The following MEGF6 variants were observed in gnomAD, a reference collection of about 807,000 sequenced individuals.
The protein encoded by MEGF6 is multiple EGF like domains 6, also known as multiple epidermal growth factor-like domains protein 6.
Under a neutral mutation model 207.1 loss-of-function variants are expected in MEGF6, and 184 were observed. The observed-to-expected ratio is 0.89, with a 90% CI of 0.79 to 1.00. MEGF6 has a LOEUF of 1.00. Among genes scored for constraint, MEGF6 ranks in the 50% least tolerant of loss-of-function variants. The probability of loss-of-function intolerance (pLI) is 0.00; values close to 1 mark genes in which losing one functional copy is unlikely to be tolerated. For synonymous variants in MEGF6, 1,038 were observed against 910.0 expected (o/e 1.14, Z -2.53); for missense variants, 2,282 against 2,202.9 (o/e 1.04, Z -0.72).
At chr1:3,545,039 CT>C (rs1357999976) in intron 4 of MEGF6, among the ~76,000 whole-genome samples, 1 of 152,162 alleles carries the variant, frequency 6.6e-6, no homozygotes, top group African/African-American at 2.4e-5. Context: ...AGGAAGCTGC[CT>C]GTGTCCCATG....
At chr1:3,495,209 T>C (rs1288951375) in intron 30 of MEGF6, among the ~76,000 whole-genome samples, 1 of 152,176 alleles carries the variant, frequency 6.6e-6, no homozygotes, top group African/African-American at 2.4e-5. Context: ...CTATCCTTCC[T>C]GGGAGTGAGG....
intron 1 of MEGF6, among the ~76,000 whole-genome samples, chr1:3,604,169 G>A (rs765826422): frequency 6.6e-6 from 1 of 152,192 alleles, no homozygotes; most frequent in Non-Finnish European, 1.5e-5. Context: ...TCCGAGAGGG[G>A]CTGGGGCTGC....
rs751741417 is a variant in MEGF6 at position 3,505,215 on chromosome 1, A to G, written c.2181T>C (p.Cys727=). 1.2e-6 allele frequency: 2 copies of G among 1,611,946 alleles called. No individual in the cohort carries two copies. The highest frequency in any genetic ancestry group is 2.2e-5 in the South Asian group (2 of 91,060). The change falls in exon 17 of 37, where the codon TGT becomes TGC. Residue 727 remains cysteine (C), a synonymous_variant. Coordinates refer to ENST00000356575, the MANE Select transcript of MEGF6 (RefSeq NM_001409.4). ...RCPAGFQGED[C]GQECPVGTFG... Reference sequence around the variant, plus strand: ...CAGGGGCCGGCCACTCACCTTGGCCACAGTCCTCTCCCTGGAAGCCAGCAG... The same window carrying G: ...CAGGGGCCGGCCACTCACCTTGGCCGCAGTCCTCTCCCTGGAAGCCAGCAG...
At position 3,500,630 on chromosome 1, in the gene MEGF6, C is replaced by CA. The variant is rs1280258654; in HGVS notation, c.2707+2dup. 5 of 1,553,654 alleles carry CA rather than the reference C, an allele frequency of 3.2e-6. No individual in the cohort carries two copies. The African/African-American group carries it at 4.1e-5, about 13-fold the overall frequency. The stretch of plus-strand genomic sequence containing the variant: ...GGCAGCCAAAGGCAGGGCCGGGACT[C>CA]ACGCTGCTCGCACCGCGGGCCCACG... On this transcript the variant is annotated splice_region_variant and intron_variant, in intron 21 of 36. Transcript: ENST00000356575.
chr1:3,503,430 C>T (rs561006926), intron 17 of MEGF6, among the ~76,000 whole-genome samples: 95 of 152,176 alleles, frequency 6.2e-4, no homozygotes, highest in African/African-American at 2.0e-3. Flanking sequence ...GGCTTATCCT[C>T]GGAGCACCAC....
intron 29 of MEGF6, among the ~76,000 whole-genome samples, chr1:3,496,410 G>A (rs544702021): frequency 8.1e-4 from 124 of 152,374 alleles, no homozygotes; most frequent in Non-Finnish European, 1.5e-3. Context: ...GGCGCAGGTC[G>A]CCGGGCACAG....
chr1:3,509,271 G>C, intron 11 of MEGF6, 26 bp from the exon 12 acceptor site: 1 of 1,417,510 alleles, frequency 7.1e-7, no homozygotes, highest in Non-Finnish European at 9.2e-7. Context: ...AGGCGCCTTA[G>C]CCCCTGCCAC....
intron 2 of MEGF6, among the ~76,000 whole-genome samples, chr1:3,601,545 CG>C (rs1273908595): frequency 6.6e-6 from 1 of 152,170 alleles, no homozygotes; most frequent in African/African-American, 2.4e-5. Flanking sequence ...GTCGTCTGTT[CG>C]GGGGGTCGTC....
At chr1:3,567,563 C>A (rs1643381160) in intron 4 of MEGF6, among the ~76,000 whole-genome samples, 1 of 152,228 alleles carries the variant, frequency 6.6e-6, no homozygotes. Flanking sequence ...AGCCACCTGC[C>A]AGCCAGCACC....
rs757840283 is a variant in MEGF6, at chr1:3,497,245, C to T, written c.3469G>A (p.Gly1157Ser). The change falls in exon 27 of 37, where the codon GGC (glycine) becomes AGC (serine). Residue 1157 changes from glycine to serine, a missense_variant. Coordinates refer to ENST00000356575, the MANE Select transcript of MEGF6 (RefSeq NM_001409.4). Reference protein sequence around the residue: ...CRCPPGFTGSGCEQACPPGSF... With the variant: ...CRCPPGFTGSSCEQACPPGSF... The stretch of plus-strand genomic sequence containing the variant: ...TGGGAGCACCTACCCTGCTCGCAGC[C>T]GGAGCCAGTGAAGCCAGGGGGACAG... The T allele has an allele frequency of 3.0e-5, 46 of 1,531,070 alleles. No individual in the cohort carries two copies. The highest frequency in any genetic ancestry group is 1.8e-4 in the South Asian group (14 of 78,886). The allele number at this position is 1,531,070 out of a possible 1,614,324, so 94.8% of individuals were successfully genotyped here.
At chr1:3,623,006 G>A in the MEGF6 span, among the ~76,000 whole-genome samples, 2 of 152,130 alleles carry the variant, frequency 1.3e-5, no homozygotes, top group African/African-American at 4.8e-5. Flanking sequence ...TGTCCTGCCA[G>A]CTCCCACCAG....
chr1:3,590,643 G>T (rs1367354930), intron 3 of MEGF6, among the ~76,000 whole-genome samples: 1 of 152,196 alleles, frequency 6.6e-6, no homozygotes, highest in African/African-American at 2.4e-5. Flanking sequence ...TCCACGGCCG[G>T]GTGTCCAGGT....
At chr1:3,502,352 C>A (rs1640940102) in intron 17 of MEGF6, among the ~76,000 whole-genome samples, 1 of 152,140 alleles carries the variant, frequency 6.6e-6, no homozygotes, top group Non-Finnish European at 1.5e-5. Flanking sequence ...ACCGTAGTCA[C>A]CAGAGGACCT....
chr1:3,617,814 G>A, the MEGF6 span, among the ~76,000 whole-genome samples: 6 of 152,312 alleles, frequency 3.9e-5, no homozygotes, highest in East Asian at 7.7e-4. Context: ...CAGGGAGAGC[G>A]CAGCGTGGAG....
chr1:3,585,361 CACG>C (rs1415726389), intron 3 of MEGF6, among the ~76,000 whole-genome samples: 1 of 141,796 alleles, frequency 7.1e-6, no homozygotes, highest in African/African-American at 2.7e-5. Flanking sequence ...AGTGAGGACA[CACG>C]TCCTGTGTGT....
chr1:3,511,378 T>C (rs2101049226), intron 9 of MEGF6, among the ~76,000 whole-genome samples, 172 bp downstream of exon 9: 1 of 152,266 alleles, frequency 6.6e-6, no homozygotes, highest in South Asian at 2.1e-4. Context: ...CCGGCCAGGA[T>C]GCTGCCTCTG....
rs192688778 is a variant in MEGF6, at chr1:3,551,904, G to C, written c.482-27658C>G. 3.8e-3 allele frequency among the ~76,000 whole-genome samples: 572 copies of C among 152,314 alleles called. 1 individual carries two copies. Among genetic ancestry groups the C allele is most frequent in the South Asian group, 0.026 (127 of 4,828 alleles). ...AATTCAAGCTTCCACGCAGAAGCCT[G>C]AGAGCTGAGCTCCCTCTGGTGCCTC... On this transcript the variant is annotated intron_variant, in intron 4 of 36. Coordinates refer to ENST00000356575, the MANE Select transcript of MEGF6 (RefSeq NM_001409.4).
At chr1:3,515,667 C>A in intron 5 of MEGF6, 140 bp from the exon 6 acceptor site, 1 of 1,025,334 alleles carries the variant, frequency 9.8e-7, no homozygotes, top group African/African-American at 1.6e-5. Flanking sequence ...AGCCCCTCCG[C>A]CTTTTCATCT....
At chr1:3,511,862 C>A (rs1285895319) in intron 8 of MEGF6, 144 bp downstream of exon 8, 2 of 1,454,924 alleles carry the variant, frequency 1.4e-6, no homozygotes, top group Non-Finnish European at 1.8e-6. Flanking sequence ...TCTCCCTCGA[C>A]CCTCTGCTCA....
Sources: allele counts gnomAD v4.1 joint callset (sites outside exome capture counted in the v4.1 genomes callset), GRCh38; gene constraint gnomAD v4.1.1; transcripts MANE v1.5; gene names NCBI Gene and HGNC (gene_info 2026-07-23, HGNC 2026-07-21).